The following NUP188 variants were observed in gnomAD, a reference collection of about 807,000 sequenced individuals.
The protein encoded by NUP188 is nucleoporin 188.
In NUP188, 97 loss-of-function variants were observed where a neutral mutation model predicts 223.0. That is an observed-to-expected ratio of 0.43 (90% CI 0.37 to 0.51). The LOEUF is 0.51. Ranked by LOEUF, NUP188 falls within the 20% of genes least tolerant of loss-of-function variation. The pLI is 0.00. For synonymous variants in NUP188, 869 were observed against 828.0 expected (o/e 1.05, Z -0.85); for missense variants, 1,947 against 2,175.6 (o/e 0.89, Z 2.09).
Position 128,968,588 on chromosome 9 carries a change from C to T in NUP188, c.668C>T (p.Ala223Val). 1 of 1,614,022 alleles carries T rather than the reference C, an allele frequency of 6.2e-7. No homozygotes were observed. Among genetic ancestry groups the T allele is most frequent in the South Asian group, 1.1e-5 (1 of 91,070 alleles). Residue 223 changes from alanine to valine, a missense_variant, in exon 9 of 44, where the codon GCA (alanine) becomes GTA (valine). Ala to Val is a moderately conservative substitution (Grantham distance 64). This residue lies in a region of NUP188 where 817 missense variants were observed against 865.8 expected (regional missense o/e 0.94). Coordinates refer to ENST00000372577, the MANE Select transcript of NUP188 (RefSeq NM_015354.3). Reference sequence around the variant, plus strand: ...CTAGAAATTATTTTCCTTTATTATGCATACTTTGAGATGGCACCCAGTGAC... The same window carrying T: ...CTAGAAATTATTTTCCTTTATTATGTATACTTTGAGATGGCACCCAGTGAC... ...MLLEIIFLYY[A>V]YFEMAPSDLL...
At chr9:128,998,756 CAGAT>C (rs1193861851) in intron 32 of NUP188, 133 bp downstream of exon 32, 7 of 709,636 alleles carry the variant, frequency 9.9e-6, no homozygotes, top group African/African-American at 8.7e-5. Flanking sequence ...AGTGACATAG[CAGAT>C]AGGAGGGTGA....
At chr9:128,971,021 AATAG>A in intron 11 of NUP188, 63 bp downstream of exon 11, 11 of 1,236,414 alleles carry the variant, frequency 8.9e-6, no homozygotes, top group South Asian at 1.2e-5. Flanking sequence ...ATAATAATGT[AATAG>A]TTATAATGGT....
At chr9:128,976,697 A>G (rs1564557241) in intron 12 of NUP188, among the ~76,000 whole-genome samples, 1 of 151,760 alleles carries the variant, frequency 6.6e-6, no homozygotes, top group Non-Finnish European at 1.5e-5. Context: ...CTCAATTTCT[A>G]AAGGTCATGG....
At chr9:128,972,626 G>A (rs1161974941) in intron 11 of NUP188, among the ~76,000 whole-genome samples, 1 of 152,214 alleles carries the variant, frequency 6.6e-6, no homozygotes, top group African/African-American at 2.4e-5. Flanking sequence ...AATGCCAATT[G>A]AAGTTATTCA....
chr9:128,975,058 G>A (rs1402028174), intron 12 of NUP188, among the ~76,000 whole-genome samples: 1 of 151,982 alleles, frequency 6.6e-6, no homozygotes, highest in Non-Finnish European at 1.5e-5. Context: ...ACTATGCCTG[G>A]CTGAAGTTAT....
chr9:128,995,242 C>A, intron 29 of NUP188, 77 bp from the exon 30 acceptor site: 1 of 1,239,824 alleles, frequency 8.1e-7, no homozygotes, highest in Non-Finnish European at 1.2e-6. Flanking sequence ...GTTTTCTCTG[C>A]CTCAACAAGG....
At chr9:128,955,495 A>G (rs375665668) in intron 3 of NUP188, among the ~76,000 whole-genome samples, 1 of 152,174 alleles carries the variant, frequency 6.6e-6, no homozygotes. Flanking sequence ...TTATTTATTC[A>G]TTAGTTTATA....
intron 19 of NUP188, 53 bp downstream of exon 19, chr9:128,983,603 G>T (rs996464603): frequency 8.5e-7 from 1 of 1,176,448 alleles, no homozygotes; most frequent in East Asian, 2.3e-5. Flanking sequence ...AACCACATAT[G>T]TCTCAGATCT....
intron 5 of NUP188, among the ~76,000 whole-genome samples, chr9:128,957,625 C>T (rs145694303): frequency 5.9e-4 from 90 of 152,158 alleles, no homozygotes; most frequent in African/African-American, 1.8e-3. Context: ...CCACCACGCC[C>T]GGCTAATTTT....
Position 128,984,926 on chromosome 9 carries a change from A to G in NUP188, c.1988A>G (p.Tyr663Cys). Residue 663 changes from tyrosine to cysteine, a missense_variant, in exon 20 of 44, where the codon TAC becomes TGC. This residue lies in a region of NUP188 where 817 missense variants were observed against 865.8 expected (regional missense o/e 0.94). Transcript: ENST00000372577. The part of the protein sequence containing the change: ...ISAEGMNAGG[Y>C]GNLLMNSEQP... Reference sequence around the variant, plus strand: ...GCGGAAGGGATGAATGCTGGAGGGTACGGAAACCTCTTGATGAACAGTGAA... The same window carrying G: ...GCGGAAGGGATGAATGCTGGAGGGTGCGGAAACCTCTTGATGAACAGTGAA... 1 of 1,613,682 alleles carries G rather than the reference A, an allele frequency of 6.2e-7. No homozygotes were observed. Among genetic ancestry groups the G allele is most frequent in the Non-Finnish European group, 8.5e-7 (1 of 1,179,764 alleles).
intron 10 of NUP188, 82 bp downstream of exon 10, chr9:128,969,596 T>A: frequency 1.4e-6 from 1 of 736,508 alleles, no homozygotes; most frequent in East Asian, 2.8e-5. Context: ...GCATAAAATT[T>A]TCAGTGTTGT....
At position 128,984,468 on chromosome 9, in the gene NUP188, A is replaced by G. The variant is rs142590450; in HGVS notation, c.1962-432A>G. ...CTTATCCAACATCAATCACGTTAGT[A>G]TGTGAGCATTTACTTTCCAGCCCAG... On this transcript the variant is annotated intron_variant, in intron 19 of 43. Coordinates refer to ENST00000372577, the MANE Select transcript of NUP188 (RefSeq NM_015354.3). Among the ~76,000 whole-genome samples the G allele has an allele frequency of 5.3e-4, 81 of 152,266 alleles. 1 individual carries two copies. In the East Asian group the frequency reaches 0.013, roughly 24 times the overall value.
chr9:128,990,445 A>C (rs1370054288), intron 25 of NUP188, among the ~76,000 whole-genome samples: 1 of 152,040 alleles, frequency 6.6e-6, no homozygotes, highest in Non-Finnish European at 1.5e-5. Context: ...AAAGGAGAAA[A>C]GGCTGCGTGC....
At chr9:128,952,363 C>A (rs1841801700) in intron 2 of NUP188, among the ~76,000 whole-genome samples, 1 of 149,106 alleles carries the variant, frequency 6.7e-6, no homozygotes, top group African/African-American at 2.5e-5. Flanking sequence ...TGCGCCACTG[C>A]ACTCCATCCT....
At chr9:129,003,798 C>A (rs1286094696) in intron 38 of NUP188, 1 of 335,442 alleles carries the variant, frequency 3.0e-6, no homozygotes, top group Non-Finnish European at 5.6e-6. Flanking sequence ...CATGGTGAAA[C>A]CCTGTCTCTA....
intron 7 of NUP188, 60 bp downstream of exon 7, chr9:128,958,954 A>ATT: frequency 7.1e-7 from 1 of 1,407,484 alleles, no homozygotes; most frequent in Non-Finnish European, 9.6e-7. Context: ...AATTTTATTA[A>ATT]TATTTATTTG....
Position 128,986,791 on chromosome 9 carries a change from G to A in NUP188, c.2198-18G>A. On this transcript the variant is annotated intron_variant, in intron 21 of 43. Transcript: ENST00000372577. ...TTTCACAAGGCCACATCATTCCTCT[G>A]TCTTTTCTGGAGTCCAGGTTGCCTG... 6.2e-7 allele frequency: 1 copy of A among 1,614,052 alleles called. No individual in the cohort carries two copies. The highest frequency in any genetic ancestry group is 8.5e-7 in the Non-Finnish European group (1 of 1,179,984).
chr9:129,001,756 G>T, intron 35 of NUP188, 27 bp downstream of exon 35: 1 of 1,609,754 alleles, frequency 6.2e-7, no homozygotes. Flanking sequence ...AAGGCAGGAG[G>T]GAGCGTCCTT....
At chr9:128,954,856 CTTT>C (rs777885777) in intron 3 of NUP188, among the ~76,000 whole-genome samples, 2 of 137,262 alleles carry the variant, frequency 1.5e-5, no homozygotes. Flanking sequence ...AGGTGCTCTT[CTTT>C]TTTTTTTTTT....
Sources: allele counts gnomAD v4.1 joint callset (sites outside exome capture counted in the v4.1 genomes callset), GRCh38; gene constraint gnomAD v4.1.1; regional missense constraint gnomAD v4.1.1; transcripts MANE v1.5; gene names NCBI Gene and HGNC (gene_info 2026-07-23, HGNC 2026-07-21).